Variants in LRP6 observed in about 807,000 individuals in gnomAD.
LRP6 encodes the protein LDL receptor related protein 6.
LRP6 carries 43 observed loss-of-function variants against 184.1 expected under a neutral mutation model. The observed-to-expected ratio is 0.23, with a 90% CI of 0.18 to 0.30. The LOEUF (loss-of-function observed/expected upper bound fraction) is 0.30. Among genes scored for constraint, LRP6 ranks in the 10% least tolerant of loss-of-function variants. The probability of loss-of-function intolerance (pLI) is 1.00; values close to 1 mark genes in which losing one functional copy is unlikely to be tolerated. For missense variants in LRP6, 1,571 were observed against 2,005.3 expected (o/e 0.78, Z 4.14); for synonymous variants, 719 against 684.9 (o/e 1.05, Z -0.78).
chr12:12,170,726 T>C (rs1316907926), intron 7 of LRP6, among the ~76,000 whole-genome samples: 1 of 151,800 alleles, frequency 6.6e-6, no homozygotes, highest in Non-Finnish European at 1.5e-5. Context: ...ACAAATGTCT[T>C]TTATTTGGTC....
At chr12:12,175,739 TAAATAGA>T (rs1565602813) in intron 7 of LRP6, among the ~76,000 whole-genome samples, 2 of 149,544 alleles carry the variant, frequency 1.3e-5, no homozygotes, top group Non-Finnish European at 3.0e-5. Flanking sequence ...AATAAATAAA[TAAATAGA>T]AAAAGAAAAA....
chr12:12,198,002 A>C lies in LRP6; in HGVS notation c.647+5201T>G, dbSNP rs11054725. Among the ~76,000 whole-genome samples, 173 of 152,354 alleles carry C rather than the reference A, an allele frequency of 1.1e-3. 1 individual carries two copies. Among genetic ancestry groups the C allele is most frequent in the Non-Finnish European group, 2.0e-3 (135 of 68,026 alleles). ...AGAGGTTGCAGTGAACAGATTCTGC[A>C]ACCTCTGCAAAATTCAAGCAATTCT... On this transcript the variant is annotated intron_variant, in intron 3 of 22. Coordinates refer to ENST00000261349, the MANE Select transcript of LRP6 (RefSeq NM_002336.3).
intron 1 of LRP6, among the ~76,000 whole-genome samples, chr12:12,263,236 G>A (rs964996570): frequency 3.4e-5 from 5 of 148,146 alleles, no homozygotes; most frequent in African/African-American, 1.2e-4. Flanking sequence ...TTGCACTCTA[G>A]CCTGAGCAAC....
chr12:12,163,877 T>A (rs1425394602), intron 9 of LRP6, among the ~76,000 whole-genome samples: 1 of 152,190 alleles, frequency 6.6e-6, no homozygotes, highest in African/African-American at 2.4e-5. Context: ...CTCACGCCTG[T>A]AATCCCAGCA....
At chr12:12,148,448 T>G (rs1950039490) in intron 14 of LRP6, among the ~76,000 whole-genome samples, 1 of 152,202 alleles carries the variant, frequency 6.6e-6, no homozygotes, top group African/African-American at 2.4e-5. Context: ...GATTATTGAG[T>G]ATTTATTAAA....
At position 12,131,981 on chromosome 12, in the gene LRP6, G is replaced by A. The variant is rs1012672; in HGVS notation, c.3810C>T (p.Cys1270=). 106,650 of 1,613,826 alleles carry A rather than the reference G, an allele frequency of 0.066. 3,898 individuals are homozygous for A. The highest frequency in any genetic ancestry group is 0.14 in the Middle Eastern group (859 of 6,058). Residue 1270 remains cysteine, a synonymous_variant, in exon 18 of 23, where the codon TGC becomes TGT. Coordinates refer to ENST00000261349, the MANE Select transcript of LRP6 (RefSeq NM_002336.3). ...EIDCIPVAWR[C]DGFTECEDHS... ...GGTCTTCACATTCAGTAAACCCATC[G>A]CACCGCCAAGCCACAGGGATACAGT... is the stretch of plus-strand genomic sequence containing the variant.
chr12:12,139,060 GA>G (rs1949892424), intron 15 of LRP6: 1 of 1,232,782 alleles, frequency 8.1e-7, no homozygotes, highest in Admixed American at 2.9e-5. Context: ...TGCACAGTGA[GA>G]AAGTTCTTTT....
chr12:12,158,468 A>G (rs1369357774), intron 12 of LRP6, among the ~76,000 whole-genome samples: 2 of 152,030 alleles, frequency 1.3e-5, no homozygotes, highest in African/African-American at 4.8e-5. Context: ...TGGGACTACA[A>G]ATGCACACCA....
chr12:12,261,864 T>C (rs1437176046), intron 1 of LRP6, among the ~76,000 whole-genome samples: 1 of 152,136 alleles, frequency 6.6e-6, no homozygotes, highest in Non-Finnish European at 1.5e-5. Context: ...ATGCAAAACA[T>C]TAGTGGTTTG....
intron 2 of LRP6, among the ~76,000 whole-genome samples, chr12:12,204,337 G>A (rs1863995221): frequency 6.7e-6 from 1 of 149,944 alleles, no homozygotes; most frequent in African/African-American, 2.5e-5. Flanking sequence ...CTGGAGGAGA[G>A]CAAAGAGATA....
At chr12:12,257,579 T>C (rs1326980125) in intron 1 of LRP6, among the ~76,000 whole-genome samples, 6 of 104,858 alleles carry the variant, frequency 5.7e-5, no homozygotes, top group African/African-American at 2.5e-4. Flanking sequence ...AGACTCCCTC[T>C]CAAGGAAAAA....
intron 2 of LRP6, among the ~76,000 whole-genome samples, chr12:12,219,350 T>G (rs887415440): frequency 7.9e-5 from 12 of 151,948 alleles, no homozygotes; most frequent in African/African-American, 2.9e-4. Context: ...GGACTATAGG[T>G]GCCCGCCACC....
In LRP6 at chr12:12,126,884, T is replaced by G. The variant is rs936480234; in HGVS notation, c.4119A>C (p.Thr1373=). ...CAATTACGCCAATAACAGAACCAACTGTATTGGTGGCCTGTGGTGCTGGTT... is the reference window on the plus strand; with the variant it reads ...CAATTACGCCAATAACAGAACCAACGGTATTGGTGGCCTGTGGTGCTGGTT... The part of the protein sequence containing the change: ...TEEPAPQATN[T]VGSVIGVIVT... The change falls in exon 20 of 23, where the codon ACA becomes ACC. Residue 1373 remains threonine, a synonymous_variant. Coordinates refer to ENST00000261349, the MANE Select transcript of LRP6 (RefSeq NM_002336.3). 6.2e-7 allele frequency: 1 copy of G among 1,614,118 alleles called. No individual in the cohort carries two copies. Among genetic ancestry groups the G allele is most frequent in the Non-Finnish European group, 8.5e-7 (1 of 1,179,972 alleles).
At chr12:12,194,363 A>G (rs1863697996) in intron 3 of LRP6, among the ~76,000 whole-genome samples, 1 of 152,090 alleles carries the variant, frequency 6.6e-6, no homozygotes, top group African/African-American at 2.4e-5. Flanking sequence ...ATTCACTCAG[A>G]TGAAGGAAAA....
At position 12,154,226 on chromosome 12, in the gene LRP6, T is replaced by C. The variant is rs142779260; in HGVS notation, c.2792-3188A>G. Among the ~76,000 whole-genome samples the C allele has an allele frequency of 2.5e-3, 371 of 149,462 alleles. 1 individual carries two copies. Among genetic ancestry groups the C allele is most frequent in the African/African-American group, 8.9e-3 (358 of 40,406 alleles). ...GTCGGACATGTTCCCCCAAGACCTT[T>C]TGCATTTACTATCCCCTTTTGCTTG... is the stretch of plus-strand genomic sequence containing the variant. On this transcript the variant is annotated intron_variant, in intron 12 of 22. Transcript: ENST00000261349.
chr12:12,162,046 A>G, intron 10 of LRP6, 147 bp downstream of exon 10: 1 of 676,576 alleles, frequency 1.5e-6, no homozygotes, highest in East Asian at 2.7e-5. Flanking sequence ...CAAAATATCA[A>G]TAGTGTTTTT....
intron 12 of LRP6, among the ~76,000 whole-genome samples, chr12:12,157,044 T>C (rs1186153189): frequency 6.6e-6 from 1 of 152,194 alleles, no homozygotes; most frequent in Non-Finnish European, 1.5e-5. Context: ...TCAGCAGGTG[T>C]GAGACAGCCT....
At chr12:12,135,034 T>C in intron 17 of LRP6, 141 bp downstream of exon 17, 1 of 1,183,024 alleles carries the variant, frequency 8.5e-7, no homozygotes, top group Non-Finnish European at 1.2e-6. Flanking sequence ...AAAAGCCTAG[T>C]ACAATACAAA....
chr12:12,235,035 GGAA>G (rs1458658953), intron 2 of LRP6, among the ~76,000 whole-genome samples: 1 of 152,024 alleles, frequency 6.6e-6, no homozygotes, highest in Non-Finnish European at 1.5e-5. Context: ...GAAGGGATGG[GGAA>G]GAAGAACACT....
Sources: gnomAD v4.1 joint callset for allele counts (sites outside exome capture counted in the v4.1 genomes callset) on GRCh38, gnomAD v4.1.1 for gene constraint, MANE v1.5 for transcripts, NCBI Gene and HGNC (gene_info 2026-07-23, HGNC 2026-07-21) for gene names.